OPHN1: variants seen among roughly 807,000 people sequenced by gnomAD.
OPHN1 encodes the protein oligophrenin-1.
Under a neutral mutation model 60.7 loss-of-function variants are expected in OPHN1, and 11 were observed. The observed-to-expected ratio is 0.18, with a 90% confidence interval of 0.11 to 0.30. The LOEUF (loss-of-function observed/expected upper bound fraction) is 0.30. OPHN1 is among the 10% of genes least tolerant of loss of function. The pLI is 1.00. For missense variants in OPHN1, 449 were observed against 611.0 expected, an observed-to-expected ratio of 0.73 and a Z score of 2.80; for synonymous variants, 226 against 222.6, an observed-to-expected ratio of 1.02 and a Z score of -0.14.
intron 5 of OPHN1, among the ~76,000 whole-genome samples, chrX:68,266,767 T>C (rs1417641012): frequency 1.8e-5 from 2 of 111,299 alleles, no homozygotes; most frequent in African/African-American, 3.3e-5. Context: ...ATCAGTGTGC[T>C]GTATTCAGGA....
chrX:68,166,944 G>A, intron 15 of OPHN1, among the ~76,000 whole-genome samples: 1 of 111,919 alleles, frequency 8.9e-6, no homozygotes, highest in East Asian at 2.8e-4. Flanking sequence ...GAAAACATTG[G>A]GGACATTCTC....
Position 68,053,790 on chromosome X carries a change from T to C in OPHN1, c.2179A>G (p.Lys727Glu), listed in dbSNP as rs1305957266. Residue 727 changes from lysine to glutamate, a missense_variant, in exon 22 of 25, where the codon AAA (lysine) becomes GAA (glutamate). Lys to Glu is a moderately conservative substitution (Grantham distance 56). Coordinates refer to ENST00000355520, the MANE Select transcript of OPHN1 (RefSeq NM_002547.3). ...GGCTTTTCTCCTGGAGGCCGCACTT[T>C]GCTGAAACTGTCAGCATCCCCTGGA... Reference protein sequence around the residue: ...HKEGDADSFSKVRPPGEKPTI... With the variant: ...HKEGDADSFSEVRPPGEKPTI... 4 of 1,210,084 alleles carry C rather than the reference T, an allele frequency of 3.3e-6. No individual in the cohort carries two copies. In the South Asian group the frequency reaches 7.1e-5, roughly 21 times the overall value.
chrX:68,365,652 A>T (rs139605435), intron 2 of OPHN1, among the ~76,000 whole-genome samples: 173 of 110,804 alleles, frequency 1.6e-3, no homozygotes, highest in African/African-American at 5.0e-3. Context: ...TCATAAACAT[A>T]AACAAAGTTT....
intron 15 of OPHN1, among the ~76,000 whole-genome samples, chrX:68,134,901 T>C (rs1253874178): frequency 3.6e-5 from 4 of 111,519 alleles, no homozygotes; most frequent in Non-Finnish European, 5.6e-5. Flanking sequence ...AAGTAGCCTC[T>C]GTTTTGAGCA....
At chrX:68,134,678 TGGGCCAGGGCCAGGCCC>T (rs1387924911) in intron 15 of OPHN1, among the ~76,000 whole-genome samples, 2 of 110,148 alleles carry the variant, frequency 1.8e-5, no homozygotes, top group Non-Finnish European at 1.9e-5. Flanking sequence ...GGCCTGGGCC[TGGGCCAGGGCCAGGCCC>T]TGGCAGCACT....
At chrX:68,424,931 A>G (rs1197946311) in intron 2 of OPHN1, among the ~76,000 whole-genome samples, 1 of 112,116 alleles carries the variant, frequency 8.9e-6, no homozygotes, top group Non-Finnish European at 1.9e-5. Flanking sequence ...ATTGCTTCAC[A>G]TCTATTAATA....
chrX:68,175,037 T>A (rs1260902030), intron 15 of OPHN1, among the ~76,000 whole-genome samples: 3 of 108,276 alleles, frequency 2.8e-5, no homozygotes. Context: ...TGAGCCGAGG[T>A]CGCACCATTG....
At chrX:68,096,776 A>G in intron 19 of OPHN1, 94 bp downstream of exon 19, 1 of 904,624 alleles carries the variant, frequency 1.1e-6, no homozygotes, top group African/African-American at 1.9e-5. Flanking sequence ...TTCACTGTCA[A>G]CGTGAGCCAA....
chrX:68,377,400 CTTT>C (rs1197999479), intron 2 of OPHN1, among the ~76,000 whole-genome samples: 5 of 107,167 alleles, frequency 4.7e-5, no homozygotes, highest in Admixed American at 1.0e-4. Context: ...CCAGCCTTCT[CTTT>C]TTTTTTATTT....
chrX:68,172,564 T>C (rs1464910047), intron 15 of OPHN1, among the ~76,000 whole-genome samples: 1 of 111,406 alleles, frequency 9.0e-6, no homozygotes, highest in Non-Finnish European at 1.9e-5. Flanking sequence ...TTAAAGTTGG[T>C]AAAAATTACT....
rs879055561 is a variant in OPHN1 at position 68,214,002 on chromosome X, A to T, written c.487-30T>A. On this transcript the variant is annotated intron_variant, in intron 6 of 24. Coordinates refer to ENST00000355520, the MANE Select transcript of OPHN1 (RefSeq NM_002547.3). ...AGAAGAAGGAAAACAAACATTACAT[A>T]TTGGGATATTCATTCATGAAAGTCA... The T allele has an allele frequency of 1.7e-5, 15 of 858,611 alleles. No individual in the cohort carries two copies. The Admixed American group carries it at 3.3e-4, about 19-fold the overall frequency. The allele number at this position is 858,611 out of a possible 1,213,427, so 70.8% of individuals were successfully genotyped here.
At chrX:68,181,907 C>CTG (rs1217436385) in intron 15 of OPHN1, among the ~76,000 whole-genome samples, 1 of 112,155 alleles carries the variant, frequency 8.9e-6, no homozygotes, top group Non-Finnish European at 1.9e-5. Flanking sequence ...CATCTAAATC[C>CTG]TGAGTTCAAG....
Position 68,274,465 on chromosome X carries a change from T to C in OPHN1, c.384+273A>G, listed in dbSNP as rs146742219. Among the ~76,000 whole-genome samples, 54 of 111,753 alleles carry C rather than the reference T, an allele frequency of 4.8e-4. 1 individual carries two copies. The East Asian group carries it at 0.015, about 30-fold the overall frequency. On this transcript the variant is annotated intron_variant, in intron 5 of 24. Coordinates refer to ENST00000355520, the MANE Select transcript of OPHN1 (RefSeq NM_002547.3). ...CACAAAGTCAGAGGCCAATTCTAGA[T>C]TTTCTTACTCTCTTTCGTGATCATT... is the stretch of plus-strand genomic sequence containing the variant.
Position 68,274,774 on chromosome X carries a change from C to G in OPHN1, c.348G>C (p.Leu116Phe). 1 of 1,205,695 alleles carries G rather than the reference C, an allele frequency of 8.3e-7. No individual in the cohort carries two copies. The highest frequency in any genetic ancestry group is 1.1e-6 in the Non-Finnish European group (1 of 890,949). ...HNASDLLIKP[L>F]ENFRKEQIGF... ...CTATTTGTTCCTTCCGGAAATTTTCCAAGGGTTTAATCAGCAAATCACTAG... is the reference window on the plus strand; with the variant it reads ...CTATTTGTTCCTTCCGGAAATTTTCGAAGGGTTTAATCAGCAAATCACTAG... Residue 116 changes from leucine to phenylalanine, a missense_variant, in exon 5 of 25, where the codon TTG becomes TTC. Leu to Phe is a conservative substitution (Grantham distance 22). Coordinates refer to ENST00000355520, the MANE Select transcript of OPHN1 (RefSeq NM_002547.3).
At chrX:68,398,279 T>C (rs1602387456) in intron 2 of OPHN1, among the ~76,000 whole-genome samples, 1 of 112,120 alleles carries the variant, frequency 8.9e-6, no homozygotes, top group South Asian at 3.7e-4. Context: ...ATGATCCCCT[T>C]ATTCCACAGT....
intron 15 of OPHN1, among the ~76,000 whole-genome samples, chrX:68,177,545 A>G (rs1381261077): frequency 9.0e-6 from 1 of 110,777 alleles, no homozygotes; most frequent in Non-Finnish European, 1.9e-5. Flanking sequence ...ATTAAAAAAA[A>G]AGAGGTTTAA....
intron 5 of OPHN1, among the ~76,000 whole-genome samples, chrX:68,245,448 G>T (rs1284210973): frequency 8.9e-6 from 1 of 112,082 alleles, no homozygotes; most frequent in Non-Finnish European, 1.9e-5. Context: ...TATTTAAATA[G>T]TAAGGCATTT....
intron 19 of OPHN1, among the ~76,000 whole-genome samples, chrX:68,095,681 C>T (rs772762293): frequency 9.0e-6 from 1 of 111,356 alleles, no homozygotes; most frequent in African/African-American, 3.3e-5. Flanking sequence ...CCCTCTCCCC[C>T]ATCCTTGGTG....
intron 2 of OPHN1, among the ~76,000 whole-genome samples, chrX:68,371,813 C>T (rs759165945): frequency 1.3e-3 from 149 of 112,539 alleles, no homozygotes; most frequent in African/African-American, 4.6e-3. Flanking sequence ...GGCGCGATCT[C>T]GGCTCACTGC....
Sources: allele counts gnomAD v4.1 joint callset (sites outside exome capture counted in the v4.1 genomes callset), GRCh38; gene constraint gnomAD v4.1.1; transcripts MANE v1.5; gene names NCBI Gene and HGNC (gene_info 2026-07-23, HGNC 2026-07-21).